The following HSD17B4 variants were observed in gnomAD, a reference collection of about 807,000 sequenced individuals.
HSD17B4 encodes the protein hydroxysteroid 17-beta dehydrogenase 4.
A neutral mutation model predicts 101.0 loss-of-function variants in HSD17B4; 70 were observed. The observed-to-expected ratio is 0.69, with a 90% confidence interval of 0.57 to 0.85. The LOEUF is 0.85. HSD17B4 is among the 40% of genes least tolerant of loss of function. The probability of loss-of-function intolerance (pLI) is 0.00; values close to 1 mark genes in which losing one functional copy is unlikely to be tolerated. For synonymous variants in HSD17B4, 347 were observed against 297.1 expected, an observed-to-expected ratio of 1.17 and a Z score of -1.73; for missense variants, 984 against 892.4, an observed-to-expected ratio of 1.10 and a Z score of -1.31.
At position 119,532,323 on chromosome 5, in the gene HSD17B4, G is replaced by T. The variant is rs926310206; in HGVS notation, c.1993+919G>T. Among the ~76,000 whole-genome samples, 4 of 152,072 alleles carry T rather than the reference G, an allele frequency of 2.6e-5. No individual in the cohort carries two copies. The East Asian group carries it at 7.7e-4, about 29-fold the overall frequency. On this transcript the variant is annotated intron_variant, in intron 22 of 23. Transcript: ENST00000510025. ...TATGTTTTCTCTCATTTGACTTTGG[G>T]CTTAATCCTGAGAAATGGCTGCAGT...
chr5:119,525,300 A>G lies in HSD17B4; in HGVS notation c.1573+15A>G. The G allele has an allele frequency of 3.3e-6, 5 of 1,495,152 alleles. No homozygotes were observed. Among genetic ancestry groups the G allele is most frequent in the Non-Finnish European group, 4.7e-6 (5 of 1,072,216 alleles). The allele number at this position is 1,495,152 out of a possible 1,614,324, so 92.6% of individuals were successfully genotyped here. On this transcript the variant is annotated intron_variant, in intron 18 of 23. Coordinates refer to ENST00000510025, the MANE Select transcript of HSD17B4 (RefSeq NM_000414.4). ...TAGTCTAGCAGGTGAGTTGTCTTTA[A>G]TATGTATCAATGAAAAATATTAGCT... is the stretch of plus-strand genomic sequence containing the variant.
At chr5:119,504,104 C>G (rs189571087) in intron 14 of HSD17B4, among the ~76,000 whole-genome samples, 3 of 152,260 alleles carry the variant, frequency 2.0e-5, no homozygotes, top group East Asian at 1.9e-4. Context: ...CTGCGGAGCA[C>G]ATGATTTTGT....
intron 2 of HSD17B4, 54 bp from the exon 3 acceptor site, chr5:119,473,854 A>T: frequency 9.6e-7 from 1 of 1,036,914 alleles, no homozygotes; most frequent in Non-Finnish European, 1.5e-6. Context: ...ACACACACAC[A>T]CATTTTGAAA....
chr5:119,486,475 A>AT (rs543519862), intron 8 of HSD17B4, among the ~76,000 whole-genome samples: 13 of 151,768 alleles, frequency 8.6e-5, no homozygotes, highest in Non-Finnish European at 1.5e-4. Flanking sequence ...CTTACCTTTA[A>AT]TTTTTTTTAA....
rs147308594 is a variant in HSD17B4, at chr5:119,457,752, C to T, written c.112+1384C>T. On this transcript the variant is annotated intron_variant, in intron 2 of 23. Coordinates refer to ENST00000510025, the MANE Select transcript of HSD17B4 (RefSeq NM_000414.4). ...ACATCTTTTCTGCTCAATTCCATAA[C>T]GGCAAGGATCTTGTTTTATCTTTTG... Among the ~76,000 whole-genome samples the T allele has an allele frequency of 1.7e-3, 255 of 152,206 alleles. 5 individuals are homozygous for T. The South Asian group carries it at 0.046, about 28-fold the overall frequency.
chr5:119,525,901 T>G lies in HSD17B4; in HGVS notation c.1574-16T>G, dbSNP rs372774173. The G allele has an allele frequency of 6.8e-5, 98 of 1,438,520 alleles. 2 individuals carry two copies. In the South Asian group the frequency reaches 9.0e-4, roughly 13 times the overall value. 89.1% of individuals were successfully genotyped at this position (1,438,520 alleles called of 1,614,324 possible). On this transcript the variant is annotated splice_polypyrimidine_tract_variant and intron_variant, in intron 18 of 23. Coordinates refer to ENST00000510025, the MANE Select transcript of HSD17B4 (RefSeq NM_000414.4). ...AAAGGTACCTGTATCTAACTCAGTG[T>G]TCTCTCTTTTCCTAGGTTTTGACAA...
At chr5:119,525,713 G>GTTTTTTTTTTTTTTTTTTTTT in intron 18 of HSD17B4, 1 of 484,018 alleles carries the variant, frequency 2.1e-6, no homozygotes, top group Non-Finnish European at 3.7e-6. Context: ...TTCCTGTTTT[G>GTTTTTTTTTTTTTTTTTTTTT]TTTTTTTTTT....
intron 23 of HSD17B4, among the ~76,000 whole-genome samples, chr5:119,538,462 T>C (rs1003375544): frequency 6.6e-6 from 1 of 152,214 alleles, no homozygotes; most frequent in Non-Finnish European, 1.5e-5. Flanking sequence ...TCAGATTAGA[T>C]TATTTATGTA....
intron 22 of HSD17B4, among the ~76,000 whole-genome samples, chr5:119,533,517 A>G (rs995028648): frequency 4.6e-5 from 7 of 152,106 alleles, no homozygotes; most frequent in Non-Finnish European, 8.8e-5. Context: ...GGAATGAGAA[A>G]GAGTCAAAAC....
chr5:119,477,517 G>T lies in HSD17B4; in HGVS notation c.434+16G>T, dbSNP rs757308589. On this transcript the variant is annotated intron_variant, in intron 7 of 23. Transcript: ENST00000510025. ...AGTATGGAAGGTAGAGTTGCATGTG[G>T]TTGTCAAGGGGGATTTAAGATGTTG... 4 of 1,555,374 alleles carry T rather than the reference G, an allele frequency of 2.6e-6. No homozygotes were observed. Among genetic ancestry groups the T allele is most frequent in the Non-Finnish European group, 2.7e-6 (3 of 1,126,766 alleles).
intron 23 of HSD17B4, among the ~76,000 whole-genome samples, chr5:119,540,519 T>C (rs1754903270): frequency 6.6e-6 from 1 of 152,188 alleles, no homozygotes; most frequent in African/African-American, 2.4e-5. Context: ...TCTTTCAGAG[T>C]TTAGTACATA....
intron 22 of HSD17B4, chr5:119,535,670 T>TTATATATATA (rs138422180): frequency 1.9e-4 from 27 of 145,646 alleles, no homozygotes; most frequent in African/African-American, 6.2e-4. Context: ...AATATATATT[T>TTATATATATA]TATATATATA....
chr5:119,534,280 A>T (rs1209844604), intron 22 of HSD17B4, among the ~76,000 whole-genome samples: 1 of 152,136 alleles, frequency 6.6e-6, no homozygotes, highest in African/African-American at 2.4e-5. Context: ...GTTTGAATAA[A>T]TAATAAAATG....
chr5:119,472,991 T>A (rs77024604), intron 2 of HSD17B4, among the ~76,000 whole-genome samples: 4,170 of 152,304 alleles, frequency 0.027, 189 homozygotes, highest in African/African-American at 0.092. Context: ...GTTTCATTGC[T>A]TGTATATACC....
intron 17 of HSD17B4, among the ~76,000 whole-genome samples, chr5:119,520,352 CT>C (rs1404334716): frequency 2.6e-5 from 4 of 152,056 alleles, no homozygotes; most frequent in African/African-American, 9.7e-5. Context: ...TACATGGCCT[CT>C]TTCTTCATGT....
intron 2 of HSD17B4, among the ~76,000 whole-genome samples, chr5:119,473,599 G>C (rs183239936): frequency 6.6e-6 from 1 of 151,954 alleles, no homozygotes; most frequent in Non-Finnish European, 1.5e-5. Flanking sequence ...GTGGAATTAC[G>C]GGTATAAGCC....
intron 17 of HSD17B4, among the ~76,000 whole-genome samples, chr5:119,520,542 A>T (rs1344164202): frequency 6.6e-6 from 1 of 152,234 alleles, no homozygotes; most frequent in East Asian, 1.9e-4. Flanking sequence ...TATATTCGAG[A>T]TTTCTGAATT....
intron 19 of HSD17B4, 56 bp from the exon 20 acceptor site, chr5:119,527,077 A>G (rs372329050): frequency 2.9e-6 from 3 of 1,051,058 alleles, no homozygotes; most frequent in African/African-American, 1.6e-5. Flanking sequence ...TTTTCCTCCT[A>G]CAAGTAAAAG....
chr5:119,503,880 C>T (rs1380975396), intron 14 of HSD17B4, among the ~76,000 whole-genome samples: 1 of 151,816 alleles, frequency 6.6e-6, no homozygotes, highest in Non-Finnish European at 1.5e-5. Flanking sequence ...TATGAATGAT[C>T]CCATCACTCA....
Sources: allele counts gnomAD v4.1 joint callset (sites outside exome capture counted in the v4.1 genomes callset), GRCh38; gene constraint gnomAD v4.1.1; transcripts MANE v1.5; gene names NCBI Gene and HGNC (gene_info 2026-07-23, HGNC 2026-07-21).